Variants in ALOXE3 observed in about 807,000 individuals in gnomAD.
ALOXE3 encodes the protein hydroperoxide isomerase ALOXE3.
Under a neutral mutation model 87.5 loss-of-function variants are expected in ALOXE3, and 78 were observed. The ratio of observed to expected loss-of-function variants is 0.89; its 90% CI spans 0.74 to 1.08. ALOXE3 has a LOEUF of 1.08. Among genes scored for constraint, ALOXE3 ranks in the 50% least tolerant of loss-of-function variants. The pLI is 0.00. For missense variants in ALOXE3, 946 were observed against 912.4 expected, an observed-to-expected ratio of 1.04 and a Z score of -0.47; for synonymous variants, 363 against 370.8, an observed-to-expected ratio of 0.98 and a Z score of 0.24.
chr17:8,113,741 T>C (rs1019109577), intron 6 of ALOXE3, among the ~76,000 whole-genome samples: 1 of 151,840 alleles, frequency 6.6e-6, no homozygotes, highest in African/African-American at 2.4e-5. Context: ...TATAAAGATG[T>C]GTGGGCTGGG....
chr17:8,114,573 T>C lies in ALOXE3; in HGVS notation c.591A>G (p.Lys197=). 1.2e-6 allele frequency: 2 copies of C among 1,613,832 alleles called. No individual in the cohort carries two copies. Among genetic ancestry groups the C allele is most frequent in the Non-Finnish European group, 1.7e-6 (2 of 1,179,922 alleles). ...GNRYLPGFPM[K]IDIPSLMYME... ...TGTACATCAGGGATGGGATGTCAAT[T>C]TTCATGGGGAAGCCGGGCAGGTACC... is the stretch of plus-strand genomic sequence containing the variant. Residue 197 remains lysine, a synonymous_variant, in exon 6 of 16, where the codon AAA becomes AAG. Coordinates refer to ENST00000448843, the MANE Select transcript of ALOXE3 (RefSeq NM_021628.3).
rs1980328905 is a variant in ALOXE3, at chr17:8,113,894, ACC to A, written c.680+588_680+589del. ...ATACAAAATTAGCCGGCATGGTGGC[ACC>A]TGCCTGTAGTCCCAGCTACTCAGGA... On this transcript the variant is annotated intron_variant, in intron 6 of 15. Transcript: ENST00000448843. 4.6e-5 allele frequency among the ~76,000 whole-genome samples: 7 copies of A among 150,756 alleles called. No homozygotes were observed. In the South Asian group the frequency reaches 1.5e-3, roughly 32 times the overall value.
chr17:8,112,347 G>A (rs940301403), intron 6 of ALOXE3, 151 bp from the exon 7 acceptor site: 7 of 654,782 alleles, frequency 1.1e-5, no homozygotes, highest in African/African-American at 3.6e-5. Context: ...CTAGTACCCG[G>A]TGGAGGCTCT....
Position 8,096,480 on chromosome 17 carries a change from C to A in ALOXE3, c.*147G>T, listed in dbSNP as rs1191625265. 4.3e-6 allele frequency: 3 copies of A among 692,796 alleles called. No homozygotes were observed. In the Admixed American group the frequency reaches 6.6e-5, roughly 15 times the overall value. 42.9% of individuals were successfully genotyped at this position (692,796 alleles called of 1,614,324 possible). A position where few individuals can be genotyped will look rare whatever the true frequency, so the allele number is the denominator to read the frequency against. On this transcript the variant is annotated 3_prime_UTR_variant, in exon 16 of 16. Transcript: ENST00000448843. ...GGGCCCAGTTTGTATGATGTCAGAGCCATCTTGGCTGCAAAAGTCTCCATG... is the reference window on the plus strand; with the variant it reads ...GGGCCCAGTTTGTATGATGTCAGAGACATCTTGGCTGCAAAAGTCTCCATG...
At chr17:8,097,631 C>T (rs1315081390) in intron 15 of ALOXE3, among the ~76,000 whole-genome samples, 1 of 152,166 alleles carries the variant, frequency 6.6e-6, no homozygotes, top group Non-Finnish European at 1.5e-5. Context: ...CTGTCCCTCC[C>T]TCATGATCAT....
Position 8,096,670 on chromosome 17 carries a change from G to C in ALOXE3, c.2093C>G (p.Thr698Ser). 1 of 1,534,056 alleles carries C rather than the reference G, an allele frequency of 6.5e-7. No homozygotes were observed. ...ERNQGLALPY[T>S]YLDPPLIENS... is the part of the protein sequence containing the mutation. ...CTCAATGAGGGGAGGGTCCAGGTAG[G>C]TGTAGGGCAGTGCCAGACCCTGGTT... The change falls in exon 16 of 16, where the codon ACC (threonine) becomes AGC (serine). Residue 698 changes from threonine to serine, a missense_variant. By Grantham distance (58) the Thr-to-Ser change is moderately conservative (BLOSUM62 1). Coordinates refer to ENST00000448843, the MANE Select transcript of ALOXE3 (RefSeq NM_021628.3).
chr17:8,112,054 A>G, intron 7 of ALOXE3, 39 bp downstream of exon 7: 1 of 1,547,506 alleles, frequency 6.5e-7, no homozygotes, highest in Non-Finnish European at 8.9e-7. Context: ...AGCATGAGAT[A>G]AGGTGAGGGG....
chr17:8,117,512 G>A (rs2151847963), intron 2 of ALOXE3, among the ~76,000 whole-genome samples: 1 of 152,328 alleles, frequency 6.6e-6, no homozygotes, highest in East Asian at 1.9e-4. Context: ...GGCCACCTGG[G>A]GCTGGCAGAG....
In ALOXE3 at chr17:8,098,228, GTTTTTGT is replaced by G. The variant is rs1376807906; in HGVS notation, c.1957-1429_1957-1423del. Among the ~76,000 whole-genome samples, 21 of 88,166 alleles carry G rather than the reference GTTTTTGT, an allele frequency of 2.4e-4. 1 individual carries two copies. The highest frequency in any genetic ancestry group is 7.2e-3 in the Middle Eastern group (1 of 138). 57.8% of individuals were successfully genotyped at this position (88,166 alleles called of 152,430 possible). A position where few individuals can be genotyped will look rare whatever the true frequency, so the allele number is the denominator to read the frequency against. The stretch of plus-strand genomic sequence containing the variant: ...CAGTGTTTTTTGAAATATACTTTTG[GTTTTTGT>G]TTTTTTTTTTTTTTTTTTTTTGAGA... On this transcript the variant is annotated intron_variant, in intron 15 of 15. Coordinates refer to ENST00000448843, the MANE Select transcript of ALOXE3 (RefSeq NM_021628.3).
intron 15 of ALOXE3, among the ~76,000 whole-genome samples, chr17:8,098,467 A>C (rs10852896): frequency 0.8 from 121,123 of 151,708 alleles, 48,463 homozygotes; most frequent in East Asian, 0.87. Flanking sequence ...CTTGAACTCC[A>C]AACCTCAGGT....
chr17:8,113,234 T>G (rs941080734), intron 6 of ALOXE3, among the ~76,000 whole-genome samples: 2 of 152,178 alleles, frequency 1.3e-5, no homozygotes, highest in African/African-American at 4.8e-5. Context: ...CACATTGTAT[T>G]GTAAGCCCAG....
chr17:8,108,324 T>A (rs928262666), intron 13 of ALOXE3, 144 bp downstream of exon 13: 61 of 1,329,230 alleles, frequency 4.6e-5, no homozygotes, highest in Non-Finnish European at 6.1e-5. Flanking sequence ...GCCTTCTTTG[T>A]GCCTCTTTCC....
In ALOXE3 at chr17:8,111,385, C is replaced by A; in HGVS notation, c.931G>T (p.Asp311Tyr). 2 of 1,613,634 alleles carry A rather than the reference C, an allele frequency of 1.2e-6. No individual in the cohort carries two copies. Among genetic ancestry groups the A allele is most frequent in the Non-Finnish European group, 1.7e-6 (2 of 1,180,034 alleles). The change falls in exon 8 of 16, where the codon GAC becomes TAC. Residue 311 changes from aspartate (D) to tyrosine (Y), a missense_variant. Transcript: ENST00000448843. The part of the protein sequence containing the change: ...NDMVAPLLGQ[D>Y]TCLQTELERG... ...TCTAGCTCTGTCTGCAGGCATGTGTCCTGTCCCAGCAAGGGGGCCACCATG... is the reference window on the plus strand; with the variant it reads ...TCTAGCTCTGTCTGCAGGCATGTGTACTGTCCCAGCAAGGGGGCCACCATG...
intron 6 of ALOXE3, 33 bp downstream of exon 6, chr17:8,114,451 G>T (rs1035324023): frequency 3.1e-6 from 5 of 1,613,976 alleles, no homozygotes; most frequent in Non-Finnish European, 4.2e-6. Context: ...GGGCAGAGAT[G>T]TAAGATGTTC....
chr17:8,118,644 C>A (rs1423817740), upstream of ALOXE3: 1 of 1,537,236 alleles, frequency 6.5e-7, no homozygotes, highest in East Asian at 2.4e-5. Context: ...ACCCCATACA[C>A]CGATCCCCCC....
rs777513138 is a variant in ALOXE3 at position 8,104,198 on chromosome 17, A to C, written c.1702T>G (p.Cys568Gly). The change falls in exon 14 of 16, where the codon TGC becomes GGC. Residue 568 changes from cysteine to glycine, a missense_variant. Cys to Gly is a radical substitution (Grantham distance 159). Coordinates refer to ENST00000448843, the MANE Select transcript of ALOXE3 (RefSeq NM_021628.3). ...RESSGFPSRL[C>G]TPGEMVKFLT... is the part of the protein sequence containing the mutation. ...AACTTCACCATCTCTCCTGGGGTGC[A>C]CAGCCGGCTTGGGAAACCTGGGTGT... The C allele has an allele frequency of 1.2e-6, 2 of 1,613,930 alleles. No individual in the cohort carries two copies. The highest frequency in any genetic ancestry group is 1.7e-6 in the Non-Finnish European group (2 of 1,179,976).
intron 2 of ALOXE3, 142 bp downstream of exon 2, chr17:8,117,701 AC>A: frequency 6.7e-7 from 1 of 1,500,880 alleles, no homozygotes; most frequent in Non-Finnish European, 8.9e-7. Context: ...TCCAGGAAAG[AC>A]AGGGACCTCA....
chr17:8,103,978 A>G, intron 14 of ALOXE3, 137 bp downstream of exon 14: 1 of 736,180 alleles, frequency 1.4e-6, no homozygotes, highest in Non-Finnish European at 2.4e-6. Context: ...CCTTCACCCC[A>G]CTCAGCTGCC....
At position 8,104,191 on chromosome 17, in the gene ALOXE3, G is replaced by A; in HGVS notation, c.1709C>T (p.Pro570Leu). 1 of 1,613,912 alleles carries A rather than the reference G, an allele frequency of 6.2e-7. No individual in the cohort carries two copies. ...SSGFPSRLCT[P>L]GEMVKFLTAI... ...AGTGAGGAACTTCACCATCTCTCCT[G>A]GGGTGCACAGCCGGCTTGGGAAACC... Residue 570 changes from proline to leucine, a missense_variant, in exon 14 of 16, where the codon CCA (proline) becomes CTA (leucine). Transcript: ENST00000448843.
Sources: gnomAD v4.1 joint callset for allele counts (sites outside exome capture counted in the v4.1 genomes callset) on GRCh38, gnomAD v4.1.1 for gene constraint, MANE v1.5 for transcripts, NCBI Gene and HGNC (gene_info 2026-07-23, HGNC 2026-07-21) for gene names.